DHX30: variants seen among roughly 807,000 people sequenced by gnomAD.
DHX30 encodes ATP-dependent RNA helicase DHX30.
Under a neutral mutation model 116.9 loss-of-function variants are expected in DHX30, and 4 were observed. The ratio of observed to expected loss-of-function variants is 0.03; its 90% confidence interval spans 0.02 to 0.08. The LOEUF (loss-of-function observed/expected upper bound fraction) is 0.08. DHX30 is among the 10% of genes least tolerant of loss of function. The probability of loss-of-function intolerance (pLI) is 1.00; values close to 1 mark genes in which losing one functional copy is unlikely to be tolerated. For missense variants in DHX30, 871 were observed against 1,595.1 expected (o/e 0.55, Z 7.73); for synonymous variants, 697 against 651.7 (o/e 1.07, Z -1.06).
chr3:47,844,152 C>G (rs1248060145), intron 9 of DHX30, among the ~76,000 whole-genome samples: 1 of 152,218 alleles, frequency 6.6e-6, no homozygotes, highest in Admixed American at 6.5e-5. Flanking sequence ...AATGGGCCTG[C>G]TTTACTCTGA....
At chr3:47,821,557 C>T (rs2036300765) in intron 4 of DHX30, among the ~76,000 whole-genome samples, 1 of 152,144 alleles carries the variant, frequency 6.6e-6, no homozygotes, top group African/African-American at 2.4e-5. Context: ...GCATGAGCCA[C>T]CGTGCCCAGC....
chr3:47,837,099 A>AGAGGCTTACGCTT (rs1553703957), intron 6 of DHX30, among the ~76,000 whole-genome samples: 4 of 151,772 alleles, frequency 2.6e-5, no homozygotes, highest in Non-Finnish European at 4.4e-5. Flanking sequence ...CCTAAATAGA[A>AGAGGCTTACGCTT]GAGGCTTATT....
chr3:47,840,751 G>T, intron 6 of DHX30, 126 bp from the exon 7 acceptor site: 1 of 1,175,414 alleles, frequency 8.5e-7, no homozygotes. Flanking sequence ...ACTAGGGGCT[G>T]AAGTGGGTAA....
chr3:47,831,378 A>G (rs1239336851), intron 6 of DHX30, among the ~76,000 whole-genome samples: 1 of 152,076 alleles, frequency 6.6e-6, no homozygotes, highest in African/African-American at 2.4e-5. Flanking sequence ...CCATGACCCA[A>G]ACACCTCCCA....
At position 47,848,505 on chromosome 3, in the gene DHX30, A is replaced by G; in HGVS notation, c.2530A>G (p.Asn844Asp). 1 of 1,614,022 alleles carries G rather than the reference A, an allele frequency of 6.2e-7. No individual in the cohort carries two copies. The highest frequency in any genetic ancestry group is 8.5e-7 in the Non-Finnish European group (1 of 1,179,970). ...EFLSKAVDSP[N>D]IKAVDEAVIL... Reference sequence around the variant, plus strand: ...CCTGTCCAAGGCTGTGGACAGTCCAAACATCAAGGCAGTGGACGAGGCTGT... The same window carrying G: ...CCTGTCCAAGGCTGTGGACAGTCCAGACATCAAGGCAGTGGACGAGGCTGT... The change falls in exon 16 of 22, where the codon AAC (asparagine) becomes GAC (aspartate). Residue 844 changes from asparagine to aspartate, a missense_variant. This residue lies in a region of DHX30 where 238 missense variants were observed against 481.0 expected (regional missense o/e 0.49). Coordinates refer to ENST00000445061, the MANE Select transcript of DHX30 (RefSeq NM_138615.3). This position sits in a 1 kb window ranked among gnomAD's most constrained non-coding sequence, Gnocchi z 9.4.
At chr3:47,812,283 C>T (rs1021973763) in intron 3 of DHX30, among the ~76,000 whole-genome samples, 6 of 151,672 alleles carry the variant, frequency 4.0e-5, no homozygotes, top group East Asian at 2.0e-4. Context: ...AGAGGCTGGG[C>T]GCAGTGGCTC....
intron 3 of DHX30, chr3:47,816,617 A>G (rs1347719234): frequency 7.1e-6 from 7 of 984,684 alleles, no homozygotes; most frequent in African/African-American, 5.2e-5. Context: ...CAGCCTCCCA[A>G]AGTGCTGGGA....
chr3:47,827,489 G>T lies in DHX30; in HGVS notation c.255+12G>T, dbSNP rs761331567. 2 of 1,605,426 alleles carry T rather than the reference G, an allele frequency of 1.2e-6. No individual in the cohort carries two copies. The highest frequency in any genetic ancestry group is 1.7e-6 in the Non-Finnish European group (2 of 1,177,076). ...GACCGAAGAAAAAGGTAACTCTGCTGGTGGCAAGGAAAAACATTGGTATGA... is the reference window on the plus strand; with the variant it reads ...GACCGAAGAAAAAGGTAACTCTGCTTGTGGCAAGGAAAAACATTGGTATGA... On this transcript the variant is annotated intron_variant, in intron 5 of 21. Coordinates refer to ENST00000445061, the MANE Select transcript of DHX30 (RefSeq NM_138615.3).
rs144869940 is a variant in DHX30, at chr3:47,849,941, C to T, written c.3406C>T (p.Arg1136Trp). ...LRLEGDSRTV[R>W]LLKELRRALG... ...GCTGGAGGGTGACTCGCGTACCGTG[C>T]GGCTGCTGAAGGAGCTGCGGCGGGC... is the stretch of plus-strand genomic sequence containing the variant. Residue 1136 changes from arginine (R) to tryptophan (W), a missense_variant, in exon 22 of 22, where the codon CGG becomes TGG. By Grantham distance (101) the Arg-to-Trp change is moderately radical. This residue lies in a region of DHX30 where 238 missense variants were observed against 481.0 expected (regional missense o/e 0.49). Transcript: ENST00000445061. The T allele has an allele frequency of 1.7e-5, 27 of 1,613,094 alleles. No individual in the cohort carries two copies. Among genetic ancestry groups the T allele is most frequent in the African/African-American group, 2.7e-5 (2 of 74,944 alleles).
In DHX30 at chr3:47,846,242, A is replaced by G. The variant is rs1224549568; in HGVS notation, c.1170A>G (p.Ser390=). The change falls in exon 11 of 22, where the codon TCA becomes TCG. Residue 390 remains serine (S), a synonymous_variant. Coordinates refer to ENST00000445061, the MANE Select transcript of DHX30 (RefSeq NM_138615.3). ...SDDILPLGKD[S]GPLSDPITGK... is the part of the protein sequence containing the mutation. ...ACATCTTGCCCTTGGGCAAGGACTC[A>G]GGGCCTCTGAGTGACCCTATCACAG... 6.2e-7 allele frequency: 1 copy of G among 1,614,184 alleles called. No individual in the cohort carries two copies. Among genetic ancestry groups the G allele is most frequent in the Non-Finnish European group, 8.5e-7 (1 of 1,180,020 alleles).
At chr3:47,803,361 G>A (rs913496615) in intron 1 of DHX30, 149 bp downstream of exon 1, 1 of 376,744 alleles carries the variant, frequency 2.7e-6, no homozygotes, top group Non-Finnish European at 4.7e-6. Flanking sequence ...GAGCAGGCCG[G>A]GCATCCTAGG....
intron 6 of DHX30, chr3:47,831,064 C>T (rs1284626836): frequency 6.6e-6 from 1 of 151,776 alleles, no homozygotes; most frequent in Non-Finnish European, 1.5e-5. Context: ...TCTCTTTTCT[C>T]TGTTCCTGTA....
At chr3:47,823,937 G>A in intron 4 of DHX30, among the ~76,000 whole-genome samples, 1 of 151,840 alleles carries the variant, frequency 6.6e-6, no homozygotes, top group Non-Finnish European at 1.5e-5. Context: ...TGCTGTCCAG[G>A]TGGGGCCTTT....
At chr3:47,815,927 G>A (rs2106960075) in intron 3 of DHX30, 1 of 981,398 alleles carries the variant, frequency 1.0e-6, no homozygotes, top group South Asian at 4.7e-5. Context: ...ACTAATCATT[G>A]AATCATTTAT....
chr3:47,810,848 C>T, intron 3 of DHX30, 137 bp downstream of exon 3: 1 of 869,396 alleles, frequency 1.2e-6, no homozygotes, highest in Non-Finnish European at 1.9e-6. Flanking sequence ...TTTCCTATAG[C>T]CTTCCTTTTG....
At chr3:47,808,072 G>A (rs947227217) in intron 2 of DHX30, among the ~76,000 whole-genome samples, 3 of 151,694 alleles carry the variant, frequency 2.0e-5, no homozygotes, top group Non-Finnish European at 4.4e-5. Flanking sequence ...CACCACGTCC[G>A]GCTAATTTTG....
rs1189388149 is a variant in DHX30 at position 47,829,287 on chromosome 3, G to GATAT, written c.366+178_366+181dup. 3.2e-3 allele frequency among the ~76,000 whole-genome samples: 116 copies of GATAT among 35,836 alleles called. 4 individuals are homozygous for GATAT. The highest frequency in any genetic ancestry group is 0.031 in the Middle Eastern group (1 of 32). The allele number at this position is 35,836 out of a possible 152,430, so 23.5% of individuals were successfully genotyped here. A position where few individuals can be genotyped will look rare whatever the true frequency, so the allele number is the denominator to read the frequency against. On this transcript the variant is annotated intron_variant, in intron 6 of 21. Transcript: ENST00000445061. ...TCCTTTCTTACTGTTCAGCCAATGA[G>GATAT]ATATATATATATATATATATATATA...
chr3:47,809,227 G>C (rs370636764), intron 2 of DHX30, among the ~76,000 whole-genome samples: 5 of 128,234 alleles, frequency 3.9e-5, no homozygotes, highest in African/African-American at 1.4e-4. Context: ...TCTATGGAAT[G>C]TAACTTCTTT....
At position 47,847,932 on chromosome 3, in the gene DHX30, A is replaced by G; in HGVS notation, c.2262A>G (p.Glu754=). The G allele has an allele frequency of 6.2e-7, 1 of 1,614,162 alleles. No homozygotes were observed. Among genetic ancestry groups the G allele is most frequent in the Non-Finnish European group, 8.5e-7 (1 of 1,179,978 alleles). The part of the protein sequence containing the change: ...VHVVDSGLHK[E]ERYDLKTKVS... ...TGGTGGACAGTGGGCTGCACAAGGAAGAACGCTATGACCTGAAGACCAAGG... is the reference window on the plus strand; with the variant it reads ...TGGTGGACAGTGGGCTGCACAAGGAGGAACGCTATGACCTGAAGACCAAGG... The change falls in exon 14 of 22, where the codon GAA becomes GAG. Residue 754 remains glutamate (E), a synonymous_variant. Coordinates refer to ENST00000445061, the MANE Select transcript of DHX30 (RefSeq NM_138615.3). This position sits in a 1 kb window ranked among gnomAD's most constrained non-coding sequence, Gnocchi z 5.5.
Sources: gnomAD v4.1 joint callset for allele counts (sites outside exome capture counted in the v4.1 genomes callset) on GRCh38, gnomAD v4.1.1 for gene constraint, gnomAD v4.1.1 regional missense constraint, Gnocchi (gnomAD v3.1) non-coding constraint, MANE v1.5 for transcripts, NCBI Gene and HGNC (gene_info 2026-07-23, HGNC 2026-07-21) for gene names.